The following CAST variants were observed in gnomAD, a reference collection of about 807,000 sequenced individuals.
The protein encoded by CAST is calpastatin.
In CAST, 76 loss-of-function variants were observed where a neutral mutation model predicts 119.6. The ratio of observed to expected loss-of-function variants is 0.64; its 90% CI spans 0.53 to 0.77. The LOEUF is 0.77. Ranked by LOEUF, CAST falls within the 30% of genes least tolerant of loss-of-function variation. The pLI, the probability that CAST is intolerant of heterozygous loss-of-function variation, is 0.00. For synonymous variants in CAST, 319 were observed against 331.6 expected (o/e 0.96, Z 0.41); for missense variants, 953 against 946.5 (o/e 1.01, Z -0.09).
the CAST span, among the ~76,000 whole-genome samples, chr5:95,981,824 G>C: frequency 5.9e-5 from 9 of 152,070 alleles, no homozygotes; most frequent in African/African-American, 2.2e-4. Context: ...GCAGTGAGCC[G>C]ACATCGCACC....
At chr5:95,964,503 T>C in the CAST span, among the ~76,000 whole-genome samples, 2 of 152,178 alleles carry the variant, frequency 1.3e-5, no homozygotes, top group African/African-American at 4.8e-5. Flanking sequence ...AATTAGTAAA[T>C]GCTAATTTGG....
chr5:96,619,853 C>T (rs1747561762), intron 1 of CAST, among the ~76,000 whole-genome samples: 2 of 152,192 alleles, frequency 1.3e-5, no homozygotes, highest in Non-Finnish European at 2.9e-5. Context: ...GAAGAAACTC[C>T]TCAGTCTTAG....
At chr5:96,534,801 G>GAAAGAAGA (rs1365421304) in intron 1 of CAST, among the ~76,000 whole-genome samples, 1 of 108,402 alleles carries the variant, frequency 9.2e-6, no homozygotes, top group Non-Finnish European at 1.9e-5. Flanking sequence ...AAGAAAGAAA[G>GAAAGAAGA]AAGAAAGAAA....
chr5:96,456,827 G>A, the CAST span, among the ~76,000 whole-genome samples: 1 of 152,230 alleles, frequency 6.6e-6, no homozygotes, highest in East Asian at 1.9e-4. Flanking sequence ...CTGAATCATG[G>A]GGGTAGTTCC....
At chr5:96,621,147 A>G (rs1747596496) in intron 1 of CAST, among the ~76,000 whole-genome samples, 1 of 152,202 alleles carries the variant, frequency 6.6e-6, no homozygotes, top group South Asian at 2.1e-4. Flanking sequence ...AGTGATTTAA[A>G]AGAGACTCCT....
chr5:96,138,628 A>T, the CAST span, among the ~76,000 whole-genome samples: 3 of 151,866 alleles, frequency 2.0e-5, no homozygotes, highest in African/African-American at 7.3e-5. Context: ...ATTTATTTAG[A>T]TGGTTTTTAT....
At chr5:96,418,860 A>G in the CAST span, among the ~76,000 whole-genome samples, 1 of 152,320 alleles carries the variant, frequency 6.6e-6, no homozygotes, top group Admixed American at 6.5e-5. Context: ...GAATTGGCTC[A>G]GAAAATTGAC....
the CAST span, among the ~76,000 whole-genome samples, chr5:96,147,244 C>A: frequency 6.6e-6 from 1 of 152,172 alleles, no homozygotes; most frequent in Non-Finnish European, 1.5e-5. Context: ...TGGCATTAAA[C>A]AGAATGCCTA....
At chr5:96,453,997 G>C in the CAST span, among the ~76,000 whole-genome samples, 4 of 152,148 alleles carry the variant, frequency 2.6e-5, no homozygotes, top group East Asian at 7.7e-4. Context: ...CAGAATTTTT[G>C]ACCTTCAAGA....
chr5:96,055,027 T>A, the CAST span, among the ~76,000 whole-genome samples: 1 of 152,204 alleles, frequency 6.6e-6, no homozygotes, highest in Admixed American at 6.5e-5. Context: ...TCATTCAAAT[T>A]TGAGTGCATG....
intron 1 of CAST, among the ~76,000 whole-genome samples, chr5:96,597,100 A>G (rs1029406836): frequency 2.0e-5 from 3 of 152,236 alleles, no homozygotes; most frequent in African/African-American, 7.2e-5. Context: ...TTAGTCCATA[A>G]CAGGTGACAG....
chr5:96,256,403 T>A, the CAST span, among the ~76,000 whole-genome samples: 22 of 149,578 alleles, frequency 1.5e-4, no homozygotes, highest in Non-Finnish European at 3.0e-5. Context: ...TATACAGTTA[T>A]GCCTTGCTTA....
At chr5:96,643,061 G>GCT (rs1204127706) in intron 1 of CAST, among the ~76,000 whole-genome samples, 6 of 152,098 alleles carry the variant, frequency 3.9e-5, no homozygotes, top group Admixed American at 6.6e-5. Flanking sequence ...GCCTCTCTGG[G>GCT]CTGTGCTCTT....
At chr5:96,723,613 G>T (rs1160273108) in intron 4 of CAST, among the ~76,000 whole-genome samples, 1 of 151,982 alleles carries the variant, frequency 6.6e-6, no homozygotes, top group Non-Finnish European at 1.5e-5. Context: ...TTCCTCTAGT[G>T]GTATTGTCCA....
intron 6 of CAST, 48 bp downstream of exon 6, chr5:96,727,578 A>G (rs780784856): frequency 4.2e-6 from 5 of 1,202,770 alleles, no homozygotes; most frequent in Non-Finnish European, 4.8e-6. Flanking sequence ...CTTTTTAATA[A>G]TAATGAATAA....
At chr5:95,963,291 A>G in the CAST span, among the ~76,000 whole-genome samples, 3 of 152,306 alleles carry the variant, frequency 2.0e-5, no homozygotes, top group East Asian at 3.9e-4. Context: ...TCCCCTCCCA[A>G]TAAATGCCTT....
chr5:96,771,778 AAGTCC>A (rs1772443644), intron 31 of CAST, 76 bp downstream of exon 31: 6 of 863,184 alleles, frequency 7.0e-6, no homozygotes, highest in South Asian at 1.5e-5. Flanking sequence ...GAGAGAAGTG[AAGTCC>A]ACCTCTTGAG....
chr5:96,228,442 T>C, the CAST span, among the ~76,000 whole-genome samples: 1 of 152,190 alleles, frequency 6.6e-6, no homozygotes, highest in Non-Finnish European at 1.5e-5. Flanking sequence ...TATCTTTCCC[T>C]CTCACTATCT....
the CAST span, chr5:96,415,883 C>A: frequency 4.6e-6 from 3 of 657,982 alleles, no homozygotes; most frequent in Non-Finnish European, 2.8e-6. Flanking sequence ...GACTCGCTGG[C>A]AAATCATATT....
Sources: gnomAD v4.1 joint callset for allele counts (sites outside exome capture counted in the v4.1 genomes callset) on GRCh38, gnomAD v4.1.1 for gene constraint, MANE v1.5 for transcripts, NCBI Gene and HGNC (gene_info 2026-07-23, HGNC 2026-07-21) for gene names.